Variants in TMEM132C observed in about 807,000 individuals in gnomAD.
The protein encoded by TMEM132C is protein phosphatase 1, regulatory subunit 152.
Under a neutral mutation model 61.4 loss-of-function variants are expected in TMEM132C, and 29 were observed. The observed-to-expected ratio is 0.47, with a 90% CI of 0.35 to 0.64. The LOEUF (loss-of-function observed/expected upper bound fraction) is 0.64. TMEM132C is among the 30% of genes least tolerant of loss of function. TMEM132C has a pLI of 0.00. For missense variants in TMEM132C, 1,408 were observed against 1,476.9 expected (o/e 0.95, Z 0.76); for synonymous variants, 656 against 633.1 (o/e 1.04, Z -0.54).
intron 4 of TMEM132C, among the ~76,000 whole-genome samples, chr12:128,626,920 C>A (rs983423737): frequency 6.6e-6 from 1 of 152,240 alleles, no homozygotes; most frequent in Admixed American, 6.5e-5. Context: ...AACGCTCACT[C>A]CAGCCCCACT....
intron 2 of TMEM132C, among the ~76,000 whole-genome samples, chr12:128,519,646 A>G (rs1872833941): frequency 6.6e-6 from 1 of 152,218 alleles, no homozygotes; most frequent in Non-Finnish European, 1.5e-5. Flanking sequence ...TTCTAAATCC[A>G]TCACTGGTAA....
At chr12:128,327,646 G>A (rs557592516) in intron 1 of TMEM132C, among the ~76,000 whole-genome samples, 21 of 152,242 alleles carry the variant, frequency 1.4e-4, no homozygotes, top group African/African-American at 4.3e-4. Context: ...GGCTCCCAAA[G>A]TGCTGGGATT....
At chr12:128,576,032 C>T (rs1410886169) in intron 3 of TMEM132C, among the ~76,000 whole-genome samples, 1 of 152,134 alleles carries the variant, frequency 6.6e-6, no homozygotes, top group African/African-American at 2.4e-5. Flanking sequence ...AAGCGAGTGG[C>T]TCACCTGAGG....
chr12:128,308,020 G>A (rs185243849), intron 1 of TMEM132C, among the ~76,000 whole-genome samples: 1 of 152,352 alleles, frequency 6.6e-6, no homozygotes, highest in Admixed American at 6.5e-5. Flanking sequence ...GGTATTCAAA[G>A]TGGGGCCATT....
intron 1 of TMEM132C, among the ~76,000 whole-genome samples, chr12:128,273,283 C>A (rs1490989687): frequency 6.6e-6 from 1 of 152,064 alleles, no homozygotes; most frequent in Non-Finnish European, 1.5e-5. Context: ...ATCAATCCAC[C>A]TTTATGTAAT....
intron 3 of TMEM132C, among the ~76,000 whole-genome samples, chr12:128,599,573 T>G (rs1306205175): frequency 6.6e-6 from 1 of 152,216 alleles, no homozygotes; most frequent in African/African-American, 2.4e-5. Context: ...TGGCTGCACA[T>G]AGGGATACCC....
At chr12:128,624,946 T>C (rs982500948) in intron 4 of TMEM132C, among the ~76,000 whole-genome samples, 5 of 152,114 alleles carry the variant, frequency 3.3e-5, no homozygotes, top group African/African-American at 1.2e-4. Context: ...CTCTCAATGA[T>C]GAGCCCTCCC....
chr12:128,444,211 C>A lies in TMEM132C; in HGVS notation c.974+28591C>A, dbSNP rs151081341. ...CTGGGATTGCAGGAGGGAGCCACCG[C>A]GCCCAGCCCGATCTCTCCTTCTTCA... On this transcript the variant is annotated intron_variant, in intron 2 of 8. Coordinates refer to ENST00000435159, the MANE Select transcript of TMEM132C (RefSeq NM_001136103.3). Among the ~76,000 whole-genome samples the A allele has an allele frequency of 9.2e-5, 14 of 152,324 alleles. 1 individual carries two copies. The South Asian group carries it at 2.9e-3, about 32-fold the overall frequency.
intron 3 of TMEM132C, among the ~76,000 whole-genome samples, chr12:128,554,906 G>A (rs1208649478): frequency 6.6e-6 from 1 of 152,140 alleles, no homozygotes; most frequent in Admixed American, 6.5e-5. Flanking sequence ...CCAGCTTCTA[G>A]TTTGATGGGG....
chr12:128,569,090 G>A (rs1874791120), intron 3 of TMEM132C, among the ~76,000 whole-genome samples: 1 of 152,180 alleles, frequency 6.6e-6, no homozygotes, highest in Middle Eastern at 3.2e-3. Context: ...TGAAGCAGGT[G>A]AGCGGGGGCG....
intron 3 of TMEM132C, among the ~76,000 whole-genome samples, chr12:128,573,769 A>C (rs892392229): frequency 6.6e-6 from 1 of 152,076 alleles, no homozygotes; most frequent in Non-Finnish European, 1.5e-5. Context: ...AAAGTTCTTG[A>C]GGCAGATGGT....
chr12:128,507,360 G>A (rs535277330), intron 2 of TMEM132C, among the ~76,000 whole-genome samples: 4 of 150,952 alleles, frequency 2.6e-5, no homozygotes, highest in East Asian at 3.9e-4. Flanking sequence ...AATCGTGTGC[G>A]AAGGTTTGTC....
chr12:128,611,233 CAT>C (rs961240290), intron 3 of TMEM132C, among the ~76,000 whole-genome samples: 76 of 152,302 alleles, frequency 5.0e-4, no homozygotes, highest in African/African-American at 1.8e-3. Context: ...TGATTCCTGA[CAT>C]GTGTGTGCTC....
At chr12:128,578,252 G>A (rs1430059009) in intron 3 of TMEM132C, among the ~76,000 whole-genome samples, 1 of 152,170 alleles carries the variant, frequency 6.6e-6, no homozygotes. Flanking sequence ...ACAGAAGGAT[G>A]CATTTGAAAT....
At chr12:128,298,123 G>GT (rs1871468085) in intron 1 of TMEM132C, among the ~76,000 whole-genome samples, 1 of 152,138 alleles carries the variant, frequency 6.6e-6, no homozygotes, top group Non-Finnish European at 1.5e-5. Context: ...CTTCTGCCCA[G>GT]TACAGGTTCA....
chr12:128,670,239 G>A (rs1460734095), intron 5 of TMEM132C, among the ~76,000 whole-genome samples: 5 of 152,202 alleles, frequency 3.3e-5, no homozygotes, highest in Non-Finnish European at 5.9e-5. Context: ...AACCCATGAG[G>A]CAGAGGTTGC....
intron 1 of TMEM132C, among the ~76,000 whole-genome samples, chr12:128,382,259 T>TA (rs1874424604): frequency 6.6e-6 from 1 of 152,252 alleles, no homozygotes; most frequent in South Asian, 2.1e-4. Flanking sequence ...CCCTGAGTTT[T>TA]AAAAAGTTAT....
intron 2 of TMEM132C, among the ~76,000 whole-genome samples, chr12:128,444,515 C>T (rs560633357): frequency 2.6e-5 from 4 of 152,284 alleles, no homozygotes; most frequent in South Asian, 2.1e-4. Context: ...GTGAATTAAG[C>T]GCATTTTCAG....
chr12:128,423,623 TACTC>T (rs1869067892), intron 2 of TMEM132C, among the ~76,000 whole-genome samples: 2 of 152,190 alleles, frequency 1.3e-5, no homozygotes, highest in African/African-American at 4.8e-5. Flanking sequence ...TAGTCCCAGC[TACTC>T]TGGAGGCTAA....
Sources: allele counts gnomAD v4.1 joint callset (sites outside exome capture counted in the v4.1 genomes callset), GRCh38; gene constraint gnomAD v4.1.1; transcripts MANE v1.5; gene names NCBI Gene and HGNC (gene_info 2026-07-23, HGNC 2026-07-21).